Variants in CAMK1D observed in about 807,000 individuals in gnomAD.
CAMK1D encodes calcium/calmodulin-dependent protein kinase type 1D.
In CAMK1D, 9 loss-of-function variants were observed where a neutral mutation model predicts 47.7. The observed-to-expected ratio is 0.19, with a 90% CI of 0.11 to 0.33. The LOEUF (loss-of-function observed/expected upper bound fraction) is 0.33. CAMK1D is among the 10% of genes least tolerant of loss of function. The pLI, the probability that CAMK1D is intolerant of heterozygous loss-of-function variation, is 1.00. For missense variants in CAMK1D, 291 were observed against 488.7 expected (o/e 0.60, Z 3.81); for synonymous variants, 184 against 184.9 (o/e 0.99, Z 0.04).
chr10:12,700,360 G>A (rs1833465639), intron 3 of CAMK1D, among the ~76,000 whole-genome samples: 1 of 152,154 alleles, frequency 6.6e-6, no homozygotes, highest in African/African-American at 2.4e-5. Flanking sequence ...GAAGTGCTGT[G>A]CAAGAGGGAG....
At chr10:12,573,539 C>G (rs988294711) in intron 2 of CAMK1D, among the ~76,000 whole-genome samples, 5 of 152,218 alleles carry the variant, frequency 3.3e-5, no homozygotes, top group African/African-American at 1.2e-4. Context: ...TTCTGCAGTT[C>G]TGGCTTCTAG....
At chr10:12,429,997 C>T (rs1283303911) in intron 1 of CAMK1D, among the ~76,000 whole-genome samples, 3 of 152,076 alleles carry the variant, frequency 2.0e-5, no homozygotes, top group Non-Finnish European at 4.4e-5. Context: ...CTCACTTTGT[C>T]TCCCACATTC....
intron 1 of CAMK1D, among the ~76,000 whole-genome samples, chr10:12,393,680 T>C (rs1163291885): frequency 2.0e-5 from 3 of 152,170 alleles, no homozygotes; most frequent in African/African-American, 4.8e-5. Flanking sequence ...CCAGCCCACC[T>C]GGGGGAAGAC....
intron 3 of CAMK1D, among the ~76,000 whole-genome samples, chr10:12,675,030 C>CAAAAAAAAAAAAAAAAAAAAA (rs771350871): frequency 1.9e-5 from 1 of 53,238 alleles, no homozygotes; most frequent in Non-Finnish European, 4.1e-5. Flanking sequence ...GACTCCATCT[C>CAAAAAAAAAAAAAAAAAAAAA]AAAAAAAAAA....
At chr10:12,724,129 C>T (rs1387410146) in intron 3 of CAMK1D, among the ~76,000 whole-genome samples, 1 of 152,214 alleles carries the variant, frequency 6.6e-6, no homozygotes, top group Non-Finnish European at 1.5e-5. Context: ...GTTGGGATTA[C>T]AGACGCCGGC....
Position 12,516,250 on chromosome 10 carries a change from A to T in CAMK1D, c.93-36975A>T, listed in dbSNP as rs189685120. 4.3e-4 allele frequency among the ~76,000 whole-genome samples: 66 copies of T among 152,218 alleles called. No individual in the cohort carries two copies. In the East Asian group the frequency reaches 0.012, roughly 27 times the overall value. Reference sequence around the variant, plus strand: ...CAGCCTCCTGAGTAGCTGGGATTACAGTTGTGCAGCACCACGCCTGGCTAA... The same window carrying T: ...CAGCCTCCTGAGTAGCTGGGATTACTGTTGTGCAGCACCACGCCTGGCTAA... On this transcript the variant is annotated intron_variant, in intron 1 of 10. Coordinates refer to ENST00000619168, the MANE Select transcript of CAMK1D (RefSeq NM_153498.4).
rs199963180 is a variant in CAMK1D, at chr10:12,827,454, T to C, written c.1040-1315T>C. On this transcript the variant is annotated intron_variant, in intron 10 of 10. Transcript: ENST00000619168. ...TTCCTTCCTTCTTTCTTTCTTTCTTTTCTTTCTTTGTCTGTCTGTCTTTCT... is the reference window on the plus strand; with the variant it reads ...TTCCTTCCTTCTTTCTTTCTTTCTTCTCTTTCTTTGTCTGTCTGTCTTTCT... 2.3e-3 allele frequency among the ~76,000 whole-genome samples: 35 copies of C among 15,292 alleles called. 13 individuals carry two copies. Among genetic ancestry groups the C allele is most frequent in the Non-Finnish European group, 5.6e-3 (25 of 4,476 alleles). 10.0% of individuals were successfully genotyped at this position (15,292 alleles called of 152,430 possible). A position where few individuals can be genotyped will look rare whatever the true frequency, so the allele number is the denominator to read the frequency against.
intron 6 of CAMK1D, among the ~76,000 whole-genome samples, chr10:12,801,354 T>TATCATCTTATC: frequency 1.5e-5 from 1 of 66,564 alleles, no homozygotes; most frequent in South Asian, 5.5e-4. Flanking sequence ...TCTATCTATC[T>TATCATCTTATC]TATCTATCTA....
intron 1 of CAMK1D, among the ~76,000 whole-genome samples, chr10:12,524,919 G>A (rs781100890): frequency 1.5e-4 from 23 of 152,244 alleles, no homozygotes; most frequent in Non-Finnish European, 2.1e-4. Flanking sequence ...ATTTTCTGCT[G>A]ATAAAGTATT....
chr10:12,629,863 A>G lies in CAMK1D; in HGVS notation c.225-36873A>G, dbSNP rs188011807. Reference sequence around the variant, plus strand: ...CCTGACCCTGTGATTGTCTTGGATCATGTCTGTTGATGCCTCCCAGGGCAG... The same window carrying G: ...CCTGACCCTGTGATTGTCTTGGATCGTGTCTGTTGATGCCTCCCAGGGCAG... On this transcript the variant is annotated intron_variant, in intron 2 of 10. Coordinates refer to ENST00000619168, the MANE Select transcript of CAMK1D (RefSeq NM_153498.4). Among the ~76,000 whole-genome samples, 46 of 152,356 alleles carry G rather than the reference A, an allele frequency of 3.0e-4. No homozygotes were observed. The East Asian group carries it at 8.7e-3, about 29-fold the overall frequency.
chr10:12,682,286 G>T (rs868194995), intron 3 of CAMK1D, among the ~76,000 whole-genome samples: 2 of 152,210 alleles, frequency 1.3e-5, no homozygotes, highest in Non-Finnish European at 2.9e-5. Flanking sequence ...CTTCTGGAAA[G>T]TGTCTTTGTG....
chr10:12,436,157 A>G (rs918676344), intron 1 of CAMK1D, among the ~76,000 whole-genome samples: 1 of 152,298 alleles, frequency 6.6e-6, no homozygotes. Flanking sequence ...CTGTGACTCA[A>G]GCCTGTCCTT....
intron 2 of CAMK1D, among the ~76,000 whole-genome samples, chr10:12,596,090 A>G (rs1838139196): frequency 6.6e-6 from 1 of 152,150 alleles, no homozygotes. Flanking sequence ...AGTCCTAAAA[A>G]GGGACATAGC....
intron 3 of CAMK1D, among the ~76,000 whole-genome samples, chr10:12,704,433 A>T (rs1419370392): frequency 6.6e-6 from 1 of 152,224 alleles, no homozygotes; most frequent in Non-Finnish European, 1.5e-5. Context: ...TGAGACATTT[A>T]TCTGCTATAG....
At chr10:12,778,669 G>C (rs986472036) in intron 5 of CAMK1D, among the ~76,000 whole-genome samples, 3 of 152,168 alleles carry the variant, frequency 2.0e-5, no homozygotes, top group Non-Finnish European at 4.4e-5. Flanking sequence ...TGGAGTCCAG[G>C]AGTTTGAGAC....
intron 1 of CAMK1D, among the ~76,000 whole-genome samples, chr10:12,513,791 C>T (rs1316395001): frequency 2.0e-5 from 3 of 152,032 alleles, no homozygotes; most frequent in African/African-American, 7.2e-5. Context: ...ACAGAGGGAG[C>T]CCCTGTCTAA....
At chr10:12,467,237 C>G (rs1400791791) in intron 1 of CAMK1D, among the ~76,000 whole-genome samples, 1 of 145,036 alleles carries the variant, frequency 6.9e-6, no homozygotes, top group Admixed American at 7.2e-5. Context: ...ACTGCAACCT[C>G]TGCCTCCCGG....
At chr10:12,565,230 A>G (rs1000773320) in intron 2 of CAMK1D, among the ~76,000 whole-genome samples, 3 of 151,722 alleles carry the variant, frequency 2.0e-5, no homozygotes, top group African/African-American at 2.4e-5. Flanking sequence ...ATAAATACCT[A>G]CATACATCTC....
chr10:12,484,534 A>G (rs569062144), intron 1 of CAMK1D, among the ~76,000 whole-genome samples: 4 of 152,280 alleles, frequency 2.6e-5, no homozygotes, highest in African/African-American at 9.6e-5. Flanking sequence ...TCTTGGAAAC[A>G]CCAGCCAAGT....
Sources: gnomAD v4.1 joint callset for allele counts (sites outside exome capture counted in the v4.1 genomes callset) on GRCh38, gnomAD v4.1.1 for gene constraint, MANE v1.5 for transcripts, NCBI Gene and HGNC (gene_info 2026-07-23, HGNC 2026-07-21) for gene names.